Variants in SS18L1 observed in about 807,000 individuals in gnomAD.
The protein encoded by SS18L1 is calcium-responsive transactivator.
In SS18L1, 32 loss-of-function variants were observed where a neutral mutation model predicts 70.3. The observed-to-expected ratio is 0.46, with a 90% CI of 0.34 to 0.61. The LOEUF is 0.61. Among genes scored for constraint, SS18L1 ranks in the 20% least tolerant of loss-of-function variants. The pLI is 0.01. For synonymous variants in SS18L1, 237 were observed against 229.7 expected (o/e 1.03, Z -0.29); for missense variants, 430 against 542.1 (o/e 0.79, Z 2.05).
intron 1 of SS18L1, among the ~76,000 whole-genome samples, chr20:62,146,605 ATTTT>A (rs10673768): frequency 1.9e-4 from 15 of 79,714 alleles, no homozygotes; most frequent in Admixed American, 5.7e-4. Context: ...TGCTTTGATC[ATTTT>A]TTTTTTTTTT....
At chr20:62,146,702 G>A (rs1454682208) in intron 1 of SS18L1, among the ~76,000 whole-genome samples, 3 of 139,992 alleles carry the variant, frequency 2.1e-5, no homozygotes, top group East Asian at 2.3e-4. Context: ...CCGCGCCCCC[G>A]CCCACGTTCA....
At position 62,157,690 on chromosome 20, in the gene SS18L1, TTA is replaced by T. The variant is rs977482828; in HGVS notation, c.70-980_70-979del. Among the ~76,000 whole-genome samples, 3 of 152,158 alleles carry T rather than the reference TTA, an allele frequency of 2.0e-5. No homozygotes were observed. In the South Asian group the frequency reaches 6.2e-4, roughly 31 times the overall value. ...ATGACCTTGTCTGTGCACACACACT[TTA>T]TGTGTAAGACACGGAAGGTTCAAGA... On this transcript the variant is annotated intron_variant, in intron 1 of 10. Transcript: ENST00000331758.
chr20:62,148,992 C>T (rs2057080591), intron 1 of SS18L1, among the ~76,000 whole-genome samples: 2 of 152,226 alleles, frequency 1.3e-5, no homozygotes, highest in Admixed American at 6.5e-5. Context: ...CCAGGTGGTG[C>T]TCGCTAGCCG....
At chr20:62,153,479 C>T (rs558649938) in intron 1 of SS18L1, among the ~76,000 whole-genome samples, 13 of 151,784 alleles carry the variant, frequency 8.6e-5, no homozygotes, top group South Asian at 2.1e-4. Context: ...ACAGGTCACC[C>T]GATAAGGTCT....
chr20:62,181,516 C>G lies in SS18L1; in HGVS notation c.*2308C>G, dbSNP rs1200011049. ...TTAAGTGCTGTATTAATAATACTTTCTGAAAGAAAAGGACACTTACCCCAA... is the reference window on the plus strand; with the variant it reads ...TTAAGTGCTGTATTAATAATACTTTGTGAAAGAAAAGGACACTTACCCCAA... On this transcript the variant is annotated 3_prime_UTR_variant, in exon 11 of 11. Transcript: ENST00000331758. 2 of 213,096 alleles carry G rather than the reference C, an allele frequency of 9.4e-6. No individual in the cohort carries two copies. Among genetic ancestry groups the G allele is most frequent in the African/African-American group, 4.5e-5 (2 of 44,148 alleles). 13.2% of individuals were successfully genotyped at this position (213,096 alleles called of 1,614,324 possible).
Position 62,179,730 on chromosome 20 carries a change from G to GGGGCCCCCCC in SS18L1, c.*522_*523insGGGCCCCCCC. 1 of 96,714 alleles carries GGGGCCCCCCC rather than the reference G, an allele frequency of 1.0e-5. No individual in the cohort carries two copies. 6.0% of individuals were successfully genotyped at this position (96,714 alleles called of 1,614,324 possible). A position where few individuals can be genotyped will look rare whatever the true frequency, so the allele number is the denominator to read the frequency against. ...GTGCCTCGATGGGGTGGGTGGGAGG[G>GGGGCCCCCCC]CATCTTCTGTGCGTTGGGTCAGTTT... On this transcript the variant is annotated 3_prime_UTR_variant, in exon 11 of 11. Coordinates refer to ENST00000331758, the MANE Select transcript of SS18L1 (RefSeq NM_198935.3).
rs1257297680 is a variant in SS18L1 at position 62,174,256 on chromosome 20, G to A, written c.1037-261G>A. Among the ~76,000 whole-genome samples the A allele has an allele frequency of 6.6e-6, 1 of 152,078 alleles. No homozygotes were observed. The highest frequency in any genetic ancestry group is 1.5e-5 in the Non-Finnish European group (1 of 68,012). ...GAGCCCATCAGCCCTCGCCATGCTG[G>A]TGGGGGGCCTGGGGCACAGTCCTGG... On this transcript the variant is annotated intron_variant, in intron 9 of 10. Transcript: ENST00000331758. The surrounding 1 kb of genome is among the most constrained non-coding windows in gnomAD (Gnocchi z 4.1).
chr20:62,171,370 G>A (rs984191523), intron 8 of SS18L1, among the ~76,000 whole-genome samples: 1 of 152,186 alleles, frequency 6.6e-6, no homozygotes, highest in Non-Finnish European at 1.5e-5. Context: ...CTCCCGTGAC[G>A]GTGACAGCTC....
At chr20:62,152,669 G>A (rs1047545406) in intron 1 of SS18L1, among the ~76,000 whole-genome samples, 7 of 152,196 alleles carry the variant, frequency 4.6e-5, no homozygotes, top group Non-Finnish European at 1.0e-4. Context: ...GTTCAGCTTA[G>A]TGTTAGAGGT....
Position 62,172,730 on chromosome 20 carries a change from C to T in SS18L1, c.965C>T (p.Ala322Val), listed in dbSNP as rs778824510. 10 of 1,614,020 alleles carry T rather than the reference C, an allele frequency of 6.2e-6. No homozygotes were observed. Among genetic ancestry groups the T allele is most frequent in the South Asian group, 3.3e-5 (3 of 91,080 alleles). ...CAGGCCGGGTACCAGCAGGGTGCCG[C>T]GCAGCAGCAGACGTACTCCCAGCAG... Reference protein sequence around the residue: ...QQQAGYQQGAAQQQTYSQQQY... With the variant: ...QQQAGYQQGAVQQQTYSQQQY... The change falls in exon 9 of 11, where the codon GCG becomes GTG. Residue 322 changes from alanine (A) to valine (V), a missense_variant. Physicochemically the swap from Ala to Val is moderately conservative, Grantham distance 64. Transcript: ENST00000331758.
chr20:62,175,082 C>T (rs1055469361), intron 10 of SS18L1, among the ~76,000 whole-genome samples: 1 of 152,232 alleles, frequency 6.6e-6, no homozygotes, highest in African/African-American at 2.4e-5. Flanking sequence ...GCCCGCCTTC[C>T]AGATGGGGGC....
chr20:62,174,799 G>A lies in SS18L1; in HGVS notation c.1164+155G>A. ...TAAGTCTCTGAGCCTGTAAGGTTTT[G>A]CAGAATTGCCTCTGTGTATACGCTC... On this transcript the variant is annotated intron_variant, in intron 10 of 10. Transcript: ENST00000331758. This position sits in a 1 kb window ranked among gnomAD's most constrained non-coding sequence, Gnocchi z 4.1. 1 of 1,536,828 alleles carries A rather than the reference G, an allele frequency of 6.5e-7. No individual in the cohort carries two copies. Among genetic ancestry groups the A allele is most frequent in the Non-Finnish European group, 8.8e-7 (1 of 1,140,818 alleles).
intron 5 of SS18L1, 70 bp from the exon 6 acceptor site, chr20:62,163,388 G>T: frequency 6.2e-7 from 1 of 1,600,884 alleles, no homozygotes; most frequent in Non-Finnish European, 8.5e-7. Flanking sequence ...GGGCGCAGGA[G>T]GTAGTTGGGT....
At chr20:62,163,772 T>C (rs1012647900) in intron 6 of SS18L1, 150 bp downstream of exon 6, 3 of 1,168,882 alleles carry the variant, frequency 2.6e-6, no homozygotes, top group South Asian at 1.6e-5. Flanking sequence ...TAACATTGAG[T>C]GTGGACCCTG....
At position 62,158,158 on chromosome 20, in the gene SS18L1, C is replaced by G. The variant is rs1367902229; in HGVS notation, c.70-514C>G. ...CATCCTTGCCATCGGCTTGGCTGACCCTTGCTGCACAGATGCTCTGCCGTC... is the reference window on the plus strand; with the variant it reads ...CATCCTTGCCATCGGCTTGGCTGACGCTTGCTGCACAGATGCTCTGCCGTC... On this transcript the variant is annotated intron_variant, in intron 1 of 10. Transcript: ENST00000331758. The surrounding 1 kb of genome is among the most constrained non-coding windows in gnomAD (Gnocchi z 4.5). Among the ~76,000 whole-genome samples, 1 of 152,038 alleles carries G rather than the reference C, an allele frequency of 6.6e-6. No individual in the cohort carries two copies. The highest frequency in any genetic ancestry group is 1.5e-5 in the Non-Finnish European group (1 of 68,006).
intron 1 of SS18L1, among the ~76,000 whole-genome samples, chr20:62,155,025 T>A (rs892808243): frequency 1.3e-5 from 2 of 152,218 alleles, no homozygotes; most frequent in East Asian, 1.9e-4. Flanking sequence ...TGGCATCATC[T>A]TCTTTTCTGG....
At position 62,163,532 on chromosome 20, in the gene SS18L1, C is replaced by G. The variant is rs754914540; in HGVS notation, c.631C>G (p.Gln211Glu). 1 of 1,611,800 alleles carries G rather than the reference C, an allele frequency of 6.2e-7. No individual in the cohort carries two copies. Among genetic ancestry groups the G allele is most frequent in the South Asian group, 1.1e-5 (1 of 91,054 alleles). The change falls in exon 6 of 11, where the codon CAG becomes GAG. Residue 211 changes from glutamine to glutamate, a missense_variant. Transcript: ENST00000331758. The part of the protein sequence containing the change: ...AQGGSQHYQG[Q>E]SSIAMMGQGS... ...GGGCGGCAGCCAGCACTACCAGGGC[C>G]AGTCGTCCATCGCCATGATGGGGCA...
chr20:62,146,392 A>G (rs2057026425), intron 1 of SS18L1, among the ~76,000 whole-genome samples: 1 of 152,116 alleles, frequency 6.6e-6, no homozygotes, highest in East Asian at 1.9e-4. Flanking sequence ...GTTTTGAGAT[A>G]AGCAGATGCG....
At chr20:62,148,274 G>A (rs1206343604) in intron 1 of SS18L1, among the ~76,000 whole-genome samples, 1 of 151,360 alleles carries the variant, frequency 6.6e-6, no homozygotes, top group Non-Finnish European at 1.5e-5. Context: ...CCTCCTTGCT[G>A]TCTTAGGTCA....
Sources: allele counts gnomAD v4.1 joint callset (sites outside exome capture counted in the v4.1 genomes callset), GRCh38; gene constraint gnomAD v4.1.1; non-coding constraint Gnocchi (gnomAD v3.1); transcripts MANE v1.5; gene names NCBI Gene and HGNC (gene_info 2026-07-23, HGNC 2026-07-21).